SPTLC3: variants seen among roughly 807,000 people sequenced by gnomAD.
SPTLC3 encodes the protein serine palmitoyltransferase 3.
Under a neutral mutation model 59.3 loss-of-function variants are expected in SPTLC3, and 36 were observed. The observed-to-expected ratio is 0.61, with a 90% confidence interval of 0.47 to 0.80. The LOEUF (loss-of-function observed/expected upper bound fraction) is 0.80, where lower values mean the gene tolerates loss of function less well. Among genes scored for constraint, SPTLC3 ranks in the 30% least tolerant of loss-of-function variants. The pLI is 0.00. For missense variants in SPTLC3, 625 were observed against 685.1 expected, an observed-to-expected ratio of 0.91 and a Z score of 0.98; for synonymous variants, 257 against 240.8, an observed-to-expected ratio of 1.07 and a Z score of -0.62.
intron 8 of SPTLC3, among the ~76,000 whole-genome samples, chr20:13,122,302 C>G (rs756676180): frequency 7.2e-5 from 11 of 152,222 alleles, no homozygotes; most frequent in Non-Finnish European, 1.5e-4. Context: ...CAATGTGACT[C>G]AATCTGTGAT....
intron 10 of SPTLC3, among the ~76,000 whole-genome samples, chr20:13,158,837 A>G (rs1045878458): frequency 1.3e-5 from 2 of 152,224 alleles, no homozygotes; most frequent in Admixed American, 1.3e-4. Context: ...ACAGCAAAAC[A>G]AGTGAATGGA....
intron 9 of SPTLC3, among the ~76,000 whole-genome samples, chr20:13,140,527 C>T (rs112000408): frequency 3.3e-5 from 5 of 152,056 alleles, no homozygotes; most frequent in African/African-American, 7.2e-5. Context: ...AATATGATTC[C>T]GATTAACATC....
chr20:13,016,629 C>T (rs79047627), intron 1 of SPTLC3, among the ~76,000 whole-genome samples: 3,261 of 152,166 alleles, frequency 0.021, 58 homozygotes, highest in African/African-American at 0.055. Context: ...TGATAATAGG[C>T]TTAGAGACCT....
At chr20:13,061,277 C>T (rs936793635) in intron 2 of SPTLC3, among the ~76,000 whole-genome samples, 2 of 152,234 alleles carry the variant, frequency 1.3e-5, no homozygotes, top group African/African-American at 4.8e-5. Flanking sequence ...AGTCAGGGGC[C>T]TTGTGAAATT....
intron 9 of SPTLC3, among the ~76,000 whole-genome samples, chr20:13,147,135 G>C (rs1030970090): frequency 2.0e-5 from 3 of 152,160 alleles, no homozygotes; most frequent in African/African-American, 7.2e-5. Flanking sequence ...TGTCCAGCCT[G>C]CTCCTGCGTG....
chr20:13,102,279 T>C lies in SPTLC3; in HGVS notation c.827-7833T>C, dbSNP rs1025796599. Among the ~76,000 whole-genome samples, 88 of 113,744 alleles carry C rather than the reference T, an allele frequency of 7.7e-4. 2 individuals carry two copies. The highest frequency in any genetic ancestry group is 3.3e-4 in the Non-Finnish European group (20 of 61,212). 74.6% of individuals were successfully genotyped at this position (113,744 alleles called of 152,430 possible). ...AGCCAGCAATTGCCTCCCTATCTTT[T>C]AATGATAATTAAAAGGTATTGAGCC... On this transcript the variant is annotated intron_variant, in intron 6 of 11. Coordinates refer to ENST00000399002, the MANE Select transcript of SPTLC3 (RefSeq NM_018327.4).
chr20:13,140,682 A>G (rs1600369736), intron 9 of SPTLC3, among the ~76,000 whole-genome samples: 1 of 152,180 alleles, frequency 6.6e-6, no homozygotes. Flanking sequence ...TCTATTTTTT[A>G]TTCAGTTATT....
At chr20:13,113,770 T>C (rs1056871918) in intron 7 of SPTLC3, among the ~76,000 whole-genome samples, 1 of 152,206 alleles carries the variant, frequency 6.6e-6, no homozygotes, top group African/African-American at 2.4e-5. Context: ...GCTGTCTTTA[T>C]TGTCACATTG....
At chr20:13,056,477 G>T (rs1231522123) in intron 2 of SPTLC3, among the ~76,000 whole-genome samples, 1 of 140,470 alleles carries the variant, frequency 7.1e-6, no homozygotes. Flanking sequence ...TTTTTGAGAC[G>T]GAGTCTCACT....
chr20:13,113,967 G>A (rs1295362099), intron 7 of SPTLC3, among the ~76,000 whole-genome samples: 1 of 152,174 alleles, frequency 6.6e-6, no homozygotes, highest in Non-Finnish European at 1.5e-5. Context: ...TGAAGTTATT[G>A]TGAATATGAA....
At chr20:13,111,025 G>A (rs1200471265) in intron 7 of SPTLC3, among the ~76,000 whole-genome samples, 1 of 152,034 alleles carries the variant, frequency 6.6e-6, no homozygotes, top group Non-Finnish European at 1.5e-5. Context: ...TGCTGCATGA[G>A]TGGATAATGA....
intron 9 of SPTLC3, among the ~76,000 whole-genome samples, chr20:13,134,834 A>T (rs2038206496): frequency 6.6e-6 from 1 of 152,230 alleles, no homozygotes; most frequent in African/African-American, 2.4e-5. Flanking sequence ...GAAAAGCATG[A>T]AATGTGTTTG....
chr20:13,026,713 A>G (rs1382074903), intron 1 of SPTLC3, among the ~76,000 whole-genome samples: 1 of 152,190 alleles, frequency 6.6e-6, no homozygotes, highest in Non-Finnish European at 1.5e-5. Context: ...ACCATAGCAG[A>G]CCCTGCTGGT....
intron 1 of SPTLC3, among the ~76,000 whole-genome samples, chr20:13,040,214 A>T (rs952040461): frequency 1.3e-5 from 2 of 152,134 alleles, no homozygotes; most frequent in African/African-American, 4.8e-5. Flanking sequence ...AATTCAATAT[A>T]GTTTTGCTCA....
rs1199970305 is a variant in SPTLC3 at position 13,126,796 on chromosome 20, T to C, written c.1279+79T>C. ...CTCATTAATCTCCCCGCTTCTCAAA[T>C]ACACACCTTTATCTTATAGAACCCT... On this transcript the variant is annotated intron_variant, in intron 9 of 11. Transcript: ENST00000399002. 3.2e-6 allele frequency: 5 copies of C among 1,552,554 alleles called. No homozygotes were observed. In the African/African-American group the frequency reaches 5.5e-5, roughly 17 times the overall value.
intron 6 of SPTLC3, among the ~76,000 whole-genome samples, chr20:13,096,085 C>T (rs149672885): frequency 6.6e-6 from 1 of 152,222 alleles, no homozygotes; most frequent in African/African-American, 2.4e-5. Flanking sequence ...TGCTTTCTCA[C>T]ACCCACTAAA....
Position 13,124,210 on chromosome 20 carries a change from C to G in SPTLC3, c.1153-2381C>G, listed in dbSNP as rs574562664. Among the ~76,000 whole-genome samples the G allele has an allele frequency of 1.7e-3, 256 of 152,122 alleles. 1 individual carries two copies. The highest frequency in any genetic ancestry group is 5.9e-3 in the African/African-American group (246 of 41,494). On this transcript the variant is annotated intron_variant, in intron 8 of 11. Transcript: ENST00000399002. ...ATGGATAATGGATGCCAGGGACTAG[C>G]CTTATGGTCCCTTTCTATCCTCCCT...
chr20:13,057,507 A>G (rs1987777071), intron 2 of SPTLC3, among the ~76,000 whole-genome samples: 1 of 152,118 alleles, frequency 6.6e-6, no homozygotes, highest in Non-Finnish European at 1.5e-5. Context: ...ACTTATCTCT[A>G]TTTATTTCTC....
At chr20:13,107,074 A>G (rs1989944947) in intron 6 of SPTLC3, among the ~76,000 whole-genome samples, 1 of 152,224 alleles carries the variant, frequency 6.6e-6, no homozygotes, top group African/African-American at 2.4e-5. Flanking sequence ...AAAAAATGGT[A>G]AGAAAAACAT....
Sources: allele counts gnomAD v4.1 joint callset (sites outside exome capture counted in the v4.1 genomes callset), GRCh38; gene constraint gnomAD v4.1.1; transcripts MANE v1.5; gene names NCBI Gene and HGNC (gene_info 2026-07-23, HGNC 2026-07-21).